CCDC171: variants seen among roughly 807,000 people sequenced by gnomAD.
CCDC171 encodes the protein coiled-coil domain-containing protein 171.
Under a neutral mutation model 168.2 loss-of-function variants are expected in CCDC171, and 177 were observed. The observed-to-expected ratio is 1.05, with a 90% CI of 0.93 to 1.19. The LOEUF is 1.19. Among genes scored for constraint, CCDC171 ranks in the 50% most tolerant of loss-of-function variants. CCDC171 has a pLI of 0.00. For missense variants in CCDC171, 1,991 were observed against 1,539.0 expected (o/e 1.29, Z -4.91); for synonymous variants, 687 against 540.8 (o/e 1.27, Z -3.75).
At chr9:16,015,417 A>C (rs1832985347) in intron 3 of CCDC171, among the ~76,000 whole-genome samples, 1 of 152,050 alleles carries the variant, frequency 6.6e-6, no homozygotes, top group Non-Finnish European at 1.5e-5. Flanking sequence ...CACTAAAATT[A>C]ATGATCATAA....
At chr9:15,700,331 C>CT (rs907369400) in intron 11 of CCDC171, among the ~76,000 whole-genome samples, 53 of 152,346 alleles carry the variant, frequency 3.5e-4, no homozygotes, top group African/African-American at 1.2e-3. Context: ...GCCGGCTGCT[C>CT]TGAGTGTGGG....
chr9:15,644,151 T>C (rs2046854002), intron 7 of CCDC171, among the ~76,000 whole-genome samples: 1 of 152,194 alleles, frequency 6.6e-6, no homozygotes, highest in Non-Finnish European at 1.5e-5. Context: ...TACCAAGCTG[T>C]TTTCCACAGC....
intron 11 of CCDC171, among the ~76,000 whole-genome samples, chr9:15,701,613 A>C (rs987755044): frequency 7.5e-6 from 1 of 132,998 alleles, no homozygotes; most frequent in Non-Finnish European, 1.5e-5. Flanking sequence ...AGAGTATCGC[A>C]CTGTTGTCCG....
chr9:15,581,381 G>A lies in CCDC171; in HGVS notation c.352+2358G>A, dbSNP rs538842975. ...CAAAGTAATGTATAGATTGAATGCT[G>A]TCCCCATCAAGCTACCACTGGCTTT... On this transcript the variant is annotated intron_variant, in intron 4 of 25. Coordinates refer to ENST00000380701, the MANE Select transcript of CCDC171 (RefSeq NM_173550.4). Among the ~76,000 whole-genome samples, 8 of 152,124 alleles carry A rather than the reference G, an allele frequency of 5.3e-5. No homozygotes were observed. In the South Asian group the frequency reaches 1.5e-3, roughly 28 times the overall value.
At chr9:15,988,923 C>G (rs985962262) in intron 3 of CCDC171, among the ~76,000 whole-genome samples, 1 of 152,140 alleles carries the variant, frequency 6.6e-6, no homozygotes, top group Non-Finnish European at 1.5e-5. Flanking sequence ...GTAAACAAAG[C>G]GGCCGGGAAG....
At chr9:15,784,717 G>A (rs1385170388) in intron 21 of CCDC171, 23 bp downstream of exon 21, 4 of 1,557,848 alleles carry the variant, frequency 2.6e-6, no homozygotes, top group Non-Finnish European at 3.5e-6. Flanking sequence ...AGGGATATTT[G>A]CATAAAGGGA....
At chr9:15,634,222 A>G (rs2046009555) in intron 7 of CCDC171, among the ~76,000 whole-genome samples, 5 of 152,156 alleles carry the variant, frequency 3.3e-5, no homozygotes, top group African/African-American at 1.2e-4. Flanking sequence ...AAAAAGAAAA[A>G]TAATTTAAAT....
intron 25 of CCDC171, among the ~76,000 whole-genome samples, chr9:15,951,983 ATT>A (rs1829241659): frequency 6.6e-6 from 1 of 152,128 alleles, no homozygotes; most frequent in African/African-American, 2.4e-5. Context: ...TCTTCTAAAA[ATT>A]TTATAATTTT....
In CCDC171 at chr9:15,564,011, C is replaced by A; in HGVS notation, c.-78C>A. Reference sequence around the variant, plus strand: ...TCATCTAACGTGAAGCCACAGACATCTTGGGCAATTTTAATCATCAAGAAA... The same window carrying A: ...TCATCTAACGTGAAGCCACAGACATATTGGGCAATTTTAATCATCAAGAAA... On this transcript the variant is annotated 5_prime_UTR_variant, in exon 2 of 26. Coordinates refer to ENST00000380701, the MANE Select transcript of CCDC171 (RefSeq NM_173550.4). The A allele has an allele frequency of 8.7e-7, 1 of 1,153,356 alleles. No individual in the cohort carries two copies. The allele number at this position is 1,153,356 out of a possible 1,614,324, so 71.4% of individuals were successfully genotyped here.
intron 21 of CCDC171, among the ~76,000 whole-genome samples, chr9:15,801,582 C>T (rs1427004550): frequency 1.3e-5 from 2 of 151,950 alleles, no homozygotes; most frequent in African/African-American, 2.4e-5. Context: ...TTGACTTCTT[C>T]CTTTCTAATT....
the CCDC171 span, among the ~76,000 whole-genome samples, chr9:16,094,428 G>A: frequency 6.6e-6 from 1 of 152,254 alleles, no homozygotes; most frequent in African/African-American, 2.4e-5. Flanking sequence ...GAGGGGAAAA[G>A]GGTTTAAACT....
chr9:16,086,884 C>G, the CCDC171 span, among the ~76,000 whole-genome samples: 154 of 152,258 alleles, frequency 1.0e-3, no homozygotes, highest in Non-Finnish European at 1.8e-3. Flanking sequence ...ATAAATTTCC[C>G]TCTAAACACT....
chr9:15,765,146 A>T (rs1017361196), intron 18 of CCDC171, among the ~76,000 whole-genome samples: 1 of 152,194 alleles, frequency 6.6e-6, no homozygotes, highest in African/African-American at 2.4e-5. Flanking sequence ...ATAACTGATG[A>T]CCTTGAAGGG....
the CCDC171 span, among the ~76,000 whole-genome samples, chr9:16,100,590 T>G: frequency 6.6e-6 from 1 of 152,222 alleles, no homozygotes; most frequent in African/African-American, 2.4e-5. Flanking sequence ...AAAGGGGATT[T>G]TTGTTAGTGA....
At chr9:15,702,272 A>G (rs868269650) in intron 11 of CCDC171, among the ~76,000 whole-genome samples, 28 of 152,112 alleles carry the variant, frequency 1.8e-4, no homozygotes, top group African/African-American at 6.8e-4. Context: ...CTCATTTACC[A>G]TTCAAAAATC....
chr9:15,798,327 A>G (rs1026141608), intron 21 of CCDC171, among the ~76,000 whole-genome samples: 1 of 151,942 alleles, frequency 6.6e-6, no homozygotes, highest in Non-Finnish European at 1.5e-5. Context: ...TTAGGAGTTT[A>G]TTAATTTTGT....
chr9:15,903,561 A>G (rs1385402177), intron 24 of CCDC171, among the ~76,000 whole-genome samples: 1 of 152,148 alleles, frequency 6.6e-6, no homozygotes, highest in Non-Finnish European at 1.5e-5. Context: ...AGGTAGATAA[A>G]ACCACAAAGA....
At chr9:15,662,979 T>TCAACAACAA (rs139672521) in intron 8 of CCDC171, among the ~76,000 whole-genome samples, 103 of 150,242 alleles carry the variant, frequency 6.9e-4, no homozygotes, top group East Asian at 2.6e-3. Flanking sequence ...AGACTTCGTC[T>TCAACAACAA]CAACAACAAC....
chr9:15,581,263 G>C (rs771879877), intron 4 of CCDC171, among the ~76,000 whole-genome samples: 1 of 152,116 alleles, frequency 6.6e-6, no homozygotes, highest in Non-Finnish European at 1.5e-5. Flanking sequence ...ACAAACCACT[G>C]CTCAAGGAAA....
Sources: gnomAD v4.1 joint callset for allele counts (sites outside exome capture counted in the v4.1 genomes callset) on GRCh38, gnomAD v4.1.1 for gene constraint, MANE v1.5 for transcripts, NCBI Gene and HGNC (gene_info 2026-07-23, HGNC 2026-07-21) for gene names.